The following PAPPA variants were observed in gnomAD, a reference collection of about 807,000 sequenced individuals.
The protein encoded by PAPPA is pappalysin 1.
A neutral mutation model predicts 164.0 loss-of-function variants in PAPPA; 60 were observed. The ratio of observed to expected loss-of-function variants is 0.37; its 90% CI spans 0.30 to 0.45. The LOEUF is 0.45. Ranked by LOEUF, PAPPA falls within the 20% of genes least tolerant of loss-of-function variation. PAPPA has a pLI of 1.00. For synonymous variants in PAPPA, 875 were observed against 814.1 expected, an observed-to-expected ratio of 1.07 and a Z score of -1.27; for missense variants, 1,782 against 2,087.3, an observed-to-expected ratio of 0.85 and a Z score of 2.85.
intron 9 of PAPPA, among the ~76,000 whole-genome samples, chr9:116,291,862 G>C (rs1324248235): frequency 6.6e-6 from 1 of 151,504 alleles, no homozygotes; most frequent in Non-Finnish European, 1.5e-5. Flanking sequence ...ATTTAAAATA[G>C]TGAATACTAC....
chr9:116,262,000 C>G (rs1286419727), intron 7 of PAPPA, among the ~76,000 whole-genome samples: 1 of 151,908 alleles, frequency 6.6e-6, no homozygotes, highest in Non-Finnish European at 1.5e-5. Context: ...CTCACTGGAT[C>G]CCAGGTGTTC....
chr9:116,331,503 G>A (rs1489179894), intron 11 of PAPPA, 146 bp downstream of exon 11: 3 of 599,656 alleles, frequency 5.0e-6, no homozygotes, highest in Non-Finnish European at 8.9e-6. Flanking sequence ...GCAGTGTGAT[G>A]CTTCCTGAAA....
At chr9:116,233,733 A>C (rs1485228510) in intron 6 of PAPPA, among the ~76,000 whole-genome samples, 1 of 151,770 alleles carries the variant, frequency 6.6e-6, no homozygotes, top group East Asian at 1.9e-4. Context: ...TAGTTTTTTC[A>C]CTCCAAATAA....
intron 21 of PAPPA, among the ~76,000 whole-genome samples, chr9:116,384,345 T>A (rs1030438770): frequency 2.0e-5 from 3 of 151,184 alleles, no homozygotes; most frequent in Non-Finnish European, 4.4e-5. Context: ...TCCCAGCTAC[T>A]TGGGAAGCTG....
At chr9:116,396,316 A>G (rs1489766826) in intron 21 of PAPPA, among the ~76,000 whole-genome samples, 193 bp from the exon 22 acceptor site, 1 of 152,226 alleles carries the variant, frequency 6.6e-6, no homozygotes, top group African/African-American at 2.4e-5. Context: ...GTGCCTCTGC[A>G]AATGAAAACT....
At position 116,401,067 on chromosome 9, in the gene PAPPA, A is replaced by G. The variant is rs1396810122; in HGVS notation, c.*4451A>G. On this transcript the variant is annotated 3_prime_UTR_variant, in exon 22 of 22. Coordinates refer to ENST00000328252, the MANE Select transcript of PAPPA (RefSeq NM_002581.5). ...GCACAGGCCCATCGGCCTTTTAGAA[A>G]GACAAGACAGGGAGTGCTTGTTTGA... 1 of 152,634 alleles carries G rather than the reference A, an allele frequency of 6.6e-6. No homozygotes were observed. The highest frequency in any genetic ancestry group is 1.5e-5 in the Non-Finnish European group (1 of 68,044). The allele number at this position is 152,634 out of a possible 1,614,324, so 9.5% of individuals were successfully genotyped here.
At chr9:116,346,932 C>T (rs748366227) in intron 14 of PAPPA, 94 bp from the exon 15 acceptor site, 599 of 1,016,790 alleles carry the variant, frequency 5.9e-4, no homozygotes, top group Non-Finnish European at 7.9e-4. Context: ...AGTGCCTGGG[C>T]GAGACTCTGA....
chr9:116,179,992 A>G (rs561854935), intron 1 of PAPPA, among the ~76,000 whole-genome samples: 3 of 152,058 alleles, frequency 2.0e-5, no homozygotes, highest in African/African-American at 7.2e-5. Context: ...CTCTGCTTGT[A>G]TTCTCCTGGC....
chr9:116,168,091 A>G (rs753056716), intron 1 of PAPPA, among the ~76,000 whole-genome samples: 3 of 152,192 alleles, frequency 2.0e-5, no homozygotes, highest in Non-Finnish European at 2.9e-5. Flanking sequence ...ATGGGTTTAT[A>G]TTAGTAAGAT....
intron 17 of PAPPA, among the ~76,000 whole-genome samples, chr9:116,359,136 C>G (rs1846390356): frequency 6.6e-6 from 1 of 152,190 alleles, no homozygotes; most frequent in Non-Finnish European, 1.5e-5. Context: ...TTGACTTACA[C>G]CCAGGCTCTT....
chr9:116,197,369 C>T (rs918800533), intron 2 of PAPPA, among the ~76,000 whole-genome samples: 3 of 152,116 alleles, frequency 2.0e-5, no homozygotes, highest in Non-Finnish European at 4.4e-5. Flanking sequence ...TACTTGAGTA[C>T]AAAGTGTTCA....
At chr9:116,373,116 G>C (rs1161919855) in intron 19 of PAPPA, 1 of 152,190 alleles carries the variant, frequency 6.6e-6, no homozygotes. Flanking sequence ...ATGGTTCTGA[G>C]TGACTGTTAA....
chr9:116,344,609 T>C lies in PAPPA; in HGVS notation c.3678T>C (p.Asn1226=), dbSNP rs753182693. The C allele has an allele frequency of 3.1e-6, 5 of 1,614,152 alleles. No homozygotes were observed. The highest frequency in any genetic ancestry group is 3.4e-6 in the Non-Finnish European group (4 of 1,180,002). Reference sequence around the variant, plus strand: ...TGGCTGTGGAGAATGCTTCTCTCAATTGCTCCAGCAGCGACCGCTACCACG... The same window carrying C: ...TGGCTGTGGAGAATGCTTCTCTCAACTGCTCCAGCAGCGACCGCTACCACG... The part of the protein sequence containing the change: ...PELAVENASL[N]CSSSDRYHGA... Residue 1226 remains asparagine (N), a synonymous_variant, in exon 14 of 22, where the codon AAT becomes AAC. Transcript: ENST00000328252.
In PAPPA at chr9:116,276,468, C is replaced by T. The variant is rs113810907; in HGVS notation, c.2953+5052C>T. Among the ~76,000 whole-genome samples the T allele has an allele frequency of 9.6e-3, 1,469 of 152,264 alleles. 21 individuals are homozygous for T. The highest frequency in any genetic ancestry group is 0.034 in the African/African-American group (1,403 of 41,550). ...TTTAGATCTAGAGGCCTCCTGGCTG[C>T]AGCTTAGCACCTCAGAGCCTCAGTT... On this transcript the variant is annotated intron_variant, in intron 9 of 21. Transcript: ENST00000328252.
At chr9:116,258,495 A>C (rs1412118104) in intron 7 of PAPPA, among the ~76,000 whole-genome samples, 1 of 151,954 alleles carries the variant, frequency 6.6e-6, no homozygotes, top group Admixed American at 6.6e-5. Context: ...TGTCTCTATT[A>C]AAAATACAAA....
At chr9:116,176,565 A>G (rs1332134609) in intron 1 of PAPPA, among the ~76,000 whole-genome samples, 1 of 152,212 alleles carries the variant, frequency 6.6e-6, no homozygotes, top group Non-Finnish European at 1.5e-5. Context: ...TCTCTGCTCC[A>G]TGGTAGCAGA....
chr9:116,380,822 G>T (rs1846721148), intron 20 of PAPPA, among the ~76,000 whole-genome samples: 1 of 152,156 alleles, frequency 6.6e-6, no homozygotes, highest in Admixed American at 6.5e-5. Flanking sequence ...AGGGTGAAAA[G>T]TTTCTGTGAG....
At chr9:116,188,299 G>A (rs2118631850) in intron 2 of PAPPA, 83 bp downstream of exon 2, 1 of 1,004,854 alleles carries the variant, frequency 1.0e-6, no homozygotes, top group Non-Finnish European at 1.5e-6. Flanking sequence ...CCTGAGGCCA[G>A]TGGGTGATAT....
rs959876869 is a variant in PAPPA, at chr9:116,276,015, C to T, written c.2953+4599C>T. On this transcript the variant is annotated intron_variant, in intron 9 of 21. Transcript: ENST00000328252. ...ACCTCTCAGGCAAGGCAGGCTTCAT[C>T]CCTTTGCAATGTGGAAGTTATCTTG... Among the ~76,000 whole-genome samples the T allele has an allele frequency of 7.9e-5, 12 of 152,188 alleles. No homozygotes were observed. The East Asian group carries it at 2.1e-3, about 27-fold the overall frequency.
Sources: allele counts gnomAD v4.1 joint callset (sites outside exome capture counted in the v4.1 genomes callset), GRCh38; gene constraint gnomAD v4.1.1; transcripts MANE v1.5; gene names NCBI Gene and HGNC (gene_info 2026-07-23, HGNC 2026-07-21).